PTGES: variants seen among roughly 807,000 people sequenced by gnomAD.
PTGES encodes MGST1-like 1.
Under a neutral mutation model 11.8 loss-of-function variants are expected in PTGES, and 3 were observed. The ratio of observed to expected loss-of-function variants is 0.25; its 90% CI spans 0.12 to 0.66. The LOEUF is 0.66. PTGES is among the 30% of genes least tolerant of loss of function. The probability of loss-of-function intolerance (pLI) is 0.82; values close to 1 mark genes in which losing one functional copy is unlikely to be tolerated. For missense variants in PTGES, 180 were observed against 213.0 expected (o/e 0.85, Z 0.96); for synonymous variants, 94 against 90.4 (o/e 1.04, Z -0.22).
At position 129,739,991 on chromosome 9, in the gene PTGES, C is replaced by G; in HGVS notation, c.210-131G>C. 1 of 1,123,256 alleles carries G rather than the reference C, an allele frequency of 8.9e-7. No homozygotes were observed. Among genetic ancestry groups the G allele is most frequent in the African/African-American group, 1.6e-5 (1 of 63,432 alleles). The allele number at this position is 1,123,256 out of a possible 1,614,324, so 69.6% of individuals were successfully genotyped here. A position where few individuals can be genotyped will look rare whatever the true frequency, so the allele number is the denominator to read the frequency against. ...TTTCAGGCATATCACACACTCAAAT[C>G]CATTCACAGCCAGGTCAAGGAGATG... On this transcript the variant is annotated intron_variant, in intron 2 of 2. Transcript: ENST00000340607. This position sits in a 1 kb window ranked among gnomAD's most constrained non-coding sequence, Gnocchi z 5.7.
intron 2 of PTGES, among the ~76,000 whole-genome samples, chr9:129,744,909 G>C (rs1193511616): frequency 6.6e-6 from 1 of 151,862 alleles, no homozygotes; most frequent in Middle Eastern, 3.2e-3. Flanking sequence ...TGAGTACTTC[G>C]TGGTGCAGCC....
In PTGES at chr9:129,739,706, G is replaced by T; in HGVS notation, c.364C>A (p.Arg122=). Residue 122 remains arginine (R), a synonymous_variant, in exon 3 of 3, where the codon CGG becomes AGG. Transcript: ENST00000340607. The surrounding 1 kb of genome is among the most constrained non-coding windows in gnomAD (Gnocchi z 5.7). ...TAGGTCACGGAGCGGATGGGTGCCC[G>T]CAGCTTCCCCAGGTAGGCCACGGTG... ...AHTVAYLGKL[R]APIRSVTYTL... is the part of the protein sequence containing the mutation. The T allele has an allele frequency of 6.4e-7, 1 of 1,570,912 alleles. No individual in the cohort carries two copies. The highest frequency in any genetic ancestry group is 8.6e-7 in the Non-Finnish European group (1 of 1,158,148).
chr9:129,739,655 A>G lies in PTGES; in HGVS notation c.415T>C (p.Ser139Pro). 1.3e-6 allele frequency: 2 copies of G among 1,555,060 alleles called. No individual in the cohort carries two copies. The highest frequency in any genetic ancestry group is 4.8e-5 in the East Asian group (2 of 41,246). The change falls in exon 3 of 3, where the codon TCC becomes CCC. Residue 139 changes from serine to proline, a missense_variant. Coordinates refer to ENST00000340607, the MANE Select transcript of PTGES (RefSeq NM_004878.5). The surrounding 1 kb of genome is among the most constrained non-coding windows in gnomAD (Gnocchi z 5.7). Reference sequence around the variant, plus strand: ...TCCCAGAGGATCTGCAGAGCCATGGAGGCGCAGGGGAGCTGGGCCAGGGTG... The same window carrying G: ...TCCCAGAGGATCTGCAGAGCCATGGGGGCGCAGGGGAGCTGGGCCAGGGTG... The part of the protein sequence containing the change: ...TYTLAQLPCA[S>P]MALQILWEAA...
At chr9:129,744,835 C>A (rs1010441672) in intron 2 of PTGES, among the ~76,000 whole-genome samples, 3 of 151,772 alleles carry the variant, frequency 2.0e-5, no homozygotes, top group Admixed American at 1.3e-4. Flanking sequence ...CGAAACCACG[C>A]TATTGCACTC....
At position 129,739,434 on chromosome 9, in the gene PTGES, A is replaced by G; in HGVS notation, c.*177T>C. ...GGCTAAGAAACATACACACACACAT[A>G]CACACACACGGGCACACACACAGGC... On this transcript the variant is annotated 3_prime_UTR_variant, in exon 3 of 3. Transcript: ENST00000340607. The surrounding 1 kb of genome is among the most constrained non-coding windows in gnomAD (Gnocchi z 5.7). The G allele has an allele frequency of 3.6e-6, 3 of 829,546 alleles. No individual in the cohort carries two copies. The South Asian group carries it at 5.5e-5, about 15-fold the overall frequency. The allele number at this position is 829,546 out of a possible 1,614,324, so 51.4% of individuals were successfully genotyped here.
At chr9:129,748,387 G>A (rs928024092) in intron 2 of PTGES, among the ~76,000 whole-genome samples, 4 of 152,196 alleles carry the variant, frequency 2.6e-5, no homozygotes, top group African/African-American at 9.7e-5. Context: ...GAACTGCGTA[G>A]TGCCTGGAGG....
At chr9:129,740,169 T>C (rs994858865) in intron 2 of PTGES, among the ~76,000 whole-genome samples, 22 of 152,044 alleles carry the variant, frequency 1.4e-4, no homozygotes, top group African/African-American at 4.8e-4. Context: ...ACTCCTGCCA[T>C]ACTCTCCCCC....
chr9:129,752,745 C>T (rs546497556), intron 1 of PTGES, 142 bp downstream of exon 1: 8 of 1,276,314 alleles, frequency 6.3e-6, no homozygotes, highest in Admixed American at 5.2e-5. Flanking sequence ...TGGCAGGAAG[C>T]CCCCCGGCGG....
intron 2 of PTGES, 74 bp downstream of exon 2, chr9:129,748,581 C>T: frequency 7.9e-7 from 1 of 1,265,532 alleles, no homozygotes; most frequent in Non-Finnish European, 1.1e-6. Context: ...CTCCAAGTCC[C>T]CTGTGTGCAG....
Position 129,739,318 on chromosome 9 carries a change from GCT to G in PTGES, c.*291_*292del, listed in dbSNP as rs2130948360. 2.7e-6 allele frequency: 1 copy of G among 374,520 alleles called. No homozygotes were observed. The highest frequency in any genetic ancestry group is 5.0e-5 in the East Asian group (1 of 19,950). The allele number at this position is 374,520 out of a possible 1,614,324, so 23.2% of individuals were successfully genotyped here. On this transcript the variant is annotated 3_prime_UTR_variant, in exon 3 of 3. Coordinates refer to ENST00000340607, the MANE Select transcript of PTGES (RefSeq NM_004878.5). This position sits in a 1 kb window ranked among gnomAD's most constrained non-coding sequence, Gnocchi z 5.7. ...AGGGAGAGGGAGTGATGTTTTTGAT[GCT>G]CTGTTACTTTAGCTGAAGGATTTTC...
At chr9:129,748,807 C>T in intron 1 of PTGES, 70 bp from the exon 2 acceptor site, 1 of 1,342,494 alleles carries the variant, frequency 7.4e-7, no homozygotes, top group Non-Finnish European at 1.0e-6. Context: ...TATGTTTTGT[C>T]CATGACCAGA....
chr9:129,751,091 C>T (rs375923718), intron 1 of PTGES, among the ~76,000 whole-genome samples: 1 of 152,266 alleles, frequency 6.6e-6, no homozygotes, highest in East Asian at 1.9e-4. Context: ...CTCCAGGAGG[C>T]CAAGATGGGA....
At position 129,740,761 on chromosome 9, in the gene PTGES, A is replaced by C. The variant is rs560001619; in HGVS notation, c.210-901T>G. Among the ~76,000 whole-genome samples the C allele has an allele frequency of 1.1e-4, 17 of 152,316 alleles. No individual in the cohort carries two copies. In the East Asian group the frequency reaches 3.3e-3, roughly 29 times the overall value. On this transcript the variant is annotated intron_variant, in intron 2 of 2. Coordinates refer to ENST00000340607, the MANE Select transcript of PTGES (RefSeq NM_004878.5). ...ATGAAGGGTGGGGAGGTTGAGTCCC[A>C]TAAATTAGAGACTGAATGAGCAACT...
chr9:129,747,334 G>A (rs762907476), intron 2 of PTGES, among the ~76,000 whole-genome samples: 6 of 152,200 alleles, frequency 3.9e-5, no homozygotes, highest in Non-Finnish European at 8.8e-5. Flanking sequence ...AGAAGACAAA[G>A]AGGAGAGAGA....
At chr9:129,741,583 T>A (rs1416433135) in intron 2 of PTGES, among the ~76,000 whole-genome samples, 1 of 152,170 alleles carries the variant, frequency 6.6e-6, no homozygotes, top group Non-Finnish European at 1.5e-5. Flanking sequence ...AGAGGCTGGC[T>A]CTGGATAGAT....
chr9:129,741,335 G>C (rs897914290), intron 2 of PTGES, among the ~76,000 whole-genome samples: 1 of 152,158 alleles, frequency 6.6e-6, no homozygotes, highest in African/African-American at 2.4e-5. Context: ...GAGAGGGAGA[G>C]GAATTCAATC....
chr9:129,740,985 G>A (rs918520034), intron 2 of PTGES, among the ~76,000 whole-genome samples: 4 of 152,184 alleles, frequency 2.6e-5, no homozygotes, highest in African/African-American at 7.2e-5. Context: ...GTGGGGACCC[G>A]CTGCAGGGTC....
chr9:129,741,824 G>A (rs1479599624), intron 2 of PTGES, among the ~76,000 whole-genome samples: 2 of 151,924 alleles, frequency 1.3e-5, no homozygotes, highest in Non-Finnish European at 2.9e-5. Context: ...AGAATCACCT[G>A]AACCGGGCAG....
At chr9:129,742,796 CG>C (rs1833010527) in intron 2 of PTGES, among the ~76,000 whole-genome samples, 1 of 151,322 alleles carries the variant, frequency 6.6e-6, no homozygotes, top group African/African-American at 2.4e-5. Flanking sequence ...CTCTTGAACC[CG>C]GGAGACAGAG....
Sources: allele counts gnomAD v4.1 joint callset (sites outside exome capture counted in the v4.1 genomes callset), GRCh38; gene constraint gnomAD v4.1.1; non-coding constraint Gnocchi (gnomAD v3.1); transcripts MANE v1.5; gene names NCBI Gene and HGNC (gene_info 2026-07-23, HGNC 2026-07-21).